PCDHA1: variants seen among roughly 807,000 people sequenced by gnomAD.
PCDHA1 encodes the protein protocadherin alpha-1.
A neutral mutation model predicts 61.3 loss-of-function variants in PCDHA1; 42 were observed. The ratio of observed to expected loss-of-function variants is 0.69; its 90% CI spans 0.54 to 0.89. The LOEUF is 0.89. Among genes scored for constraint, PCDHA1 ranks in the 40% least tolerant of loss-of-function variants. The pLI, the probability that PCDHA1 is intolerant of heterozygous loss-of-function variation, is 0.00. For synonymous variants in PCDHA1, 610 were observed against 553.8 expected, an observed-to-expected ratio of 1.10 and a Z score of -1.43; for missense variants, 1,256 against 1,235.3, an observed-to-expected ratio of 1.02 and a Z score of -0.25.
At chr5:140,967,188 TCAACGA>T in intron 1 of PCDHA1, 1 of 1,613,420 alleles carries the variant, frequency 6.2e-7, no homozygotes, top group Non-Finnish European at 8.5e-7. Flanking sequence ...ATATTGGACA[TCAACGA>T]CAACTCACCG....
At chr5:140,870,543 C>T (rs1554164396) in intron 1 of PCDHA1, 6 of 1,614,114 alleles carry the variant, frequency 3.7e-6, no homozygotes, top group South Asian at 1.1e-5. Context: ...CGGCGCGGGA[C>T]GCGGACGCGC....
At chr5:140,856,935 A>T in intron 1 of PCDHA1, 1 of 1,594,236 alleles carries the variant, frequency 6.3e-7, no homozygotes, top group Non-Finnish European at 8.6e-7. Context: ...TGGATAAACG[A>T]AAGGACGGGA....
chr5:141,003,252 TGGGCAGTGCCTAA>T (rs2098117217), intron 3 of PCDHA1, among the ~76,000 whole-genome samples: 1 of 152,236 alleles, frequency 6.6e-6, no homozygotes, highest in South Asian at 2.1e-4. Context: ...AAAAGATTCC[TGGGCAGTGCCTAA>T]GGGAAGTGCC....
intron 1 of PCDHA1, among the ~76,000 whole-genome samples, chr5:140,944,533 AG>A (rs1276351803): frequency 6.6e-6 from 1 of 152,148 alleles, no homozygotes; most frequent in Non-Finnish European, 1.5e-5. Flanking sequence ...AAATGATTTA[AG>A]TATTTAAAGA....
chr5:140,803,389 A>G, intron 1 of PCDHA1: 1 of 1,614,230 alleles, frequency 6.2e-7, no homozygotes, highest in Non-Finnish European at 8.5e-7. Flanking sequence ...ACCGAAGGCG[A>G]CTGTGGGCCG....
In PCDHA1 at chr5:140,822,413, C is replaced by T. The variant is rs1156477485; in HGVS notation, c.2394+33729C>T. 3 of 1,613,914 alleles carry T rather than the reference C, an allele frequency of 1.9e-6. No homozygotes were observed. The African/African-American group carries it at 4.0e-5, about 22-fold the overall frequency. The stretch of plus-strand genomic sequence containing the variant: ...CAAGAACACCGTTTATTAGTGATTG[C>T]AACTGATGGAGGAAAACCCGAACTA... On this transcript the variant is annotated intron_variant, in intron 1 of 3. Transcript: ENST00000504120.
intron 1 of PCDHA1, among the ~76,000 whole-genome samples, chr5:140,889,411 T>A (rs1262087176): frequency 6.6e-6 from 1 of 152,020 alleles, no homozygotes; most frequent in Non-Finnish European, 1.5e-5. Flanking sequence ...CTCGAGTCAG[T>A]TACGTAGATA....
In PCDHA1 at chr5:140,787,440, CA is replaced by C; in HGVS notation, c.1151del (p.Gln384ArgfsTer2). The C allele has an allele frequency of 6.2e-7, 1 of 1,614,232 alleles. No homozygotes were observed. Among genetic ancestry groups the C allele is most frequent in the Non-Finnish European group, 8.5e-7 (1 of 1,180,032 alleles). On this transcript the variant is annotated frameshift_variant, in exon 1 of 4. Coordinates refer to ENST00000504120, the MANE Select transcript of PCDHA1 (RefSeq NM_018900.4). LOFTEE classifies it high-confidence loss of function. ...VSDRDSGANG[Q>X]VTCSLMPHVP... ...TGACCGTGACTCAGGTGCCAACGGG[CA>C]GGTGACTTGCTCCTTAATGCCCCAC...
chr5:141,003,724 A>C (rs575036478), intron 3 of PCDHA1, among the ~76,000 whole-genome samples: 2 of 151,950 alleles, frequency 1.3e-5, no homozygotes, highest in African/African-American at 4.8e-5. Flanking sequence ...CGGCTAATCC[A>C]ATAAAAAAGC....
At chr5:140,846,712 C>T (rs1014332332) in intron 1 of PCDHA1, among the ~76,000 whole-genome samples, 3 of 149,228 alleles carry the variant, frequency 2.0e-5, no homozygotes, top group Non-Finnish European at 4.5e-5. Flanking sequence ...ATTGTAATAA[C>T]CAGTCTTCAT....
Position 140,829,464 on chromosome 5 carries a change from C to T in PCDHA1, c.2394+40780C>T. 1 of 1,613,860 alleles carries T rather than the reference C, an allele frequency of 6.2e-7. No homozygotes were observed. Among genetic ancestry groups the T allele is most frequent in the Non-Finnish European group, 8.5e-7 (1 of 1,180,028 alleles). ...GACAATGCTCCGGCGTTCGCGCAGC[C>T]CGAGTACACAGTGTTCGTGAAGGAG... is the stretch of plus-strand genomic sequence containing the variant. On this transcript the variant is annotated intron_variant, in intron 1 of 3. Coordinates refer to ENST00000504120, the MANE Select transcript of PCDHA1 (RefSeq NM_018900.4).
intron 2 of PCDHA1, among the ~76,000 whole-genome samples, chr5:140,981,379 G>A (rs1387904235): frequency 1.3e-5 from 2 of 152,152 alleles, no homozygotes; most frequent in Admixed American, 1.3e-4. Flanking sequence ...TTCAAGACCA[G>A]CCTGGTCAAT....
At chr5:140,866,708 C>G (rs781977454) in intron 1 of PCDHA1, 2 of 152,102 alleles carry the variant, frequency 1.3e-5, no homozygotes, top group African/African-American at 2.4e-5. Flanking sequence ...ATGACGTGCA[C>G]TAGTAAGACA....
intron 1 of PCDHA1, among the ~76,000 whole-genome samples, chr5:140,920,608 G>A (rs2153558027): frequency 6.6e-6 from 1 of 152,286 alleles, no homozygotes; most frequent in Non-Finnish European, 1.5e-5. Flanking sequence ...CACTTTGGGA[G>A]GCCGAGGCGG....
At chr5:140,979,563 C>T (rs1480899524) in intron 2 of PCDHA1, among the ~76,000 whole-genome samples, 1 of 152,174 alleles carries the variant, frequency 6.6e-6, no homozygotes, top group African/African-American at 2.4e-5. Context: ...GAAGATGAGC[C>T]ATGTAAAGGG....
chr5:140,875,808 G>A (rs1554167962), intron 1 of PCDHA1: 1 of 1,614,226 alleles, frequency 6.2e-7, no homozygotes, highest in South Asian at 1.1e-5. Flanking sequence ...TCGTGGACAG[G>A]CCGCTGCAGG....
intron 1 of PCDHA1, chr5:140,813,174 C>G (rs1554126132): frequency 6.6e-6 from 1 of 152,144 alleles, no homozygotes; most frequent in Admixed American, 6.6e-5. Flanking sequence ...TAGTGTTGTT[C>G]AAGTCCTCTG....
intron 1 of PCDHA1, chr5:140,856,464 T>C (rs2044012633): frequency 1.3e-6 from 2 of 1,598,082 alleles, no homozygotes; most frequent in Non-Finnish European, 1.7e-6. Flanking sequence ...GAACAAAAGC[T>C]CTCAATACCT....
chr5:140,798,375 A>G (rs2149932744), intron 1 of PCDHA1, among the ~76,000 whole-genome samples: 1 of 152,340 alleles, frequency 6.6e-6, no homozygotes, highest in African/African-American at 2.4e-5. Flanking sequence ...GCAAAAATAG[A>G]GAGTATTGAG....
Sources: allele counts gnomAD v4.1 joint callset (sites outside exome capture counted in the v4.1 genomes callset), GRCh38; gene constraint gnomAD v4.1.1; transcripts MANE v1.5; gene names NCBI Gene and HGNC (gene_info 2026-07-23, HGNC 2026-07-21).